Variants in FRMPD4 observed in about 807,000 individuals in gnomAD.
FRMPD4 encodes the protein FERM and PDZ domain containing 4, also known as FERM and PDZ domain-containing protein 4.
In FRMPD4, 22 loss-of-function variants were observed where a neutral mutation model predicts 94.1. That is an observed-to-expected ratio of 0.23 (90% CI 0.17 to 0.33). FRMPD4 has a LOEUF of 0.33. Ranked by LOEUF, FRMPD4 falls within the 10% of genes least tolerant of loss-of-function variation. The probability of loss-of-function intolerance (pLI) is 1.00; values close to 1 mark genes in which losing one functional copy is unlikely to be tolerated. For synonymous variants in FRMPD4, 631 were observed against 548.6 expected (o/e 1.15, Z -2.10); for missense variants, 1,111 against 1,339.9 (o/e 0.83, Z 2.67).
intron 3 of FRMPD4, among the ~76,000 whole-genome samples, chrX:11,950,765 TA>T (rs2054217793): frequency 9.0e-6 from 1 of 111,310 alleles, no homozygotes; most frequent in Non-Finnish European, 1.9e-5. Context: ...TGGTTATTAT[TA>T]AAAAGTCAAG....
chrX:12,054,417 T>C (rs2054841931), intron 3 of FRMPD4, among the ~76,000 whole-genome samples: 1 of 111,328 alleles, frequency 9.0e-6, no homozygotes, highest in East Asian at 2.8e-4. Context: ...TCTTCAGTGT[T>C]ATGACTGGTG....
At chrX:12,284,876 A>G (rs986981667) in intron 1 of FRMPD4, among the ~76,000 whole-genome samples, 1 of 111,888 alleles carries the variant, frequency 8.9e-6, no homozygotes, top group African/African-American at 3.3e-5. Context: ...ACATTTCTCT[A>G]TGCCTCAGTT....
At chrX:12,561,770 G>C (rs1429306295) in intron 2 of FRMPD4, among the ~76,000 whole-genome samples, 1 of 112,115 alleles carries the variant, frequency 8.9e-6, no homozygotes, top group Non-Finnish European at 1.9e-5. Context: ...TATTAGTTAG[G>C]AGTCTCCTGG....
At chrX:12,471,286 C>A (rs975011609) in intron 1 of FRMPD4, among the ~76,000 whole-genome samples, 9 of 111,957 alleles carry the variant, frequency 8.0e-5, no homozygotes, top group African/African-American at 2.9e-4. Context: ...CATTCCACTC[C>A]AAGGAAAGAG....
intron 2 of FRMPD4, among the ~76,000 whole-genome samples, chrX:12,505,209 T>C (rs1193253552): frequency 2.7e-5 from 3 of 111,793 alleles, no homozygotes; most frequent in African/African-American, 6.5e-5. Context: ...CTTGATTTTT[T>C]TGAGTGGCCT....
At chrX:12,639,929 G>A (rs2059478780) in intron 4 of FRMPD4, among the ~76,000 whole-genome samples, 1 of 111,402 alleles carries the variant, frequency 9.0e-6, no homozygotes, top group Non-Finnish European at 1.9e-5. Context: ...AAACCATAAC[G>A]CAATATTTTC....
intron 1 of FRMPD4, among the ~76,000 whole-genome samples, chrX:12,190,944 C>T (rs2056484293): frequency 9.0e-6 from 1 of 111,643 alleles, no homozygotes; most frequent in Non-Finnish European, 1.9e-5. Context: ...CTGCAAAAGA[C>T]ACTGTTCAGA....
At chrX:12,494,796 G>A (rs1007181917) in intron 1 of FRMPD4, among the ~76,000 whole-genome samples, 2 of 112,034 alleles carry the variant, frequency 1.8e-5, no homozygotes, top group African/African-American at 6.5e-5. Flanking sequence ...TTTTTGTCCA[G>A]GAAGGTTTCA....
chrX:12,458,609 G>A (rs1231386464), intron 1 of FRMPD4, among the ~76,000 whole-genome samples: 1 of 111,781 alleles, frequency 8.9e-6, no homozygotes, highest in African/African-American at 3.3e-5. Flanking sequence ...CCTTTCCACA[G>A]CATGGTGATC....
chrX:12,124,285 A>C (rs1230859876), intron 3 of FRMPD4, among the ~76,000 whole-genome samples: 1 of 112,265 alleles, frequency 8.9e-6, no homozygotes, highest in Non-Finnish European at 1.9e-5. Flanking sequence ...ATAAAAGTTG[A>C]AAATATGTAC....
In FRMPD4 at chrX:11,858,928, A is replaced by G. The variant is rs768172260; in HGVS notation, c.-160-6158A>G. ...CTTCCTCTTCTCCTGACTAAGGTAA[A>G]TTTAATAAGAAGATGTGTTTATAAT... On this transcript the variant is annotated intron_variant, in intron 1 of 18. Transcript: ENST00000640291. Among the ~76,000 whole-genome samples the G allele has an allele frequency of 6.3e-5, 7 of 111,877 alleles. No individual in the cohort carries two copies. In the East Asian group the frequency reaches 1.7e-3, roughly 27 times the overall value.
intron 1 of FRMPD4, among the ~76,000 whole-genome samples, chrX:12,212,317 G>A (rs1360070529): frequency 2.7e-5 from 3 of 110,766 alleles, no homozygotes; most frequent in African/African-American, 9.9e-5. Flanking sequence ...AAAATCATTC[G>A]ATTTTTTTTT....
At chrX:11,869,920 C>G (rs1338950935) in intron 2 of FRMPD4, among the ~76,000 whole-genome samples, 1 of 111,469 alleles carries the variant, frequency 9.0e-6, no homozygotes. Flanking sequence ...TTGGATATTT[C>G]TTTCCATATG....
intron 3 of FRMPD4, among the ~76,000 whole-genome samples, chrX:12,106,321 C>T (rs2055297280): frequency 9.0e-6 from 1 of 111,643 alleles, no homozygotes; most frequent in Non-Finnish European, 1.9e-5. Flanking sequence ...CATAATTGTC[C>T]TTCTAACTGC....
rs200625685 is a variant in FRMPD4, at chrX:12,312,239, C to CTTT, written c.41+173255_41+173257dup. On this transcript the variant is annotated intron_variant, in intron 1 of 16. Transcript: ENST00000675598. The stretch of plus-strand genomic sequence containing the variant: ...CTTCCTTTTCAACTCTGCTCCATTA[C>CTTT]TTTTTTTTTTTTTTTTTTTTTTTTT... Among the ~76,000 whole-genome samples, 22 of 61,511 alleles carry CTTT rather than the reference C, an allele frequency of 3.6e-4. 5 individuals carry two copies. The highest frequency in any genetic ancestry group is 3.9e-4 in the Non-Finnish European group (13 of 33,367). 53.4% of individuals were successfully genotyped at this position (61,511 alleles called of 115,157 possible).
chrX:12,333,805 C>T (rs1012043605), intron 1 of FRMPD4, among the ~76,000 whole-genome samples: 4 of 111,871 alleles, frequency 3.6e-5, no homozygotes, highest in East Asian at 2.8e-4. Context: ...AAAGCATACA[C>T]GCTCCTGGCT....
intron 3 of FRMPD4, among the ~76,000 whole-genome samples, chrX:12,030,633 T>C (rs758179131): frequency 6.9e-4 from 77 of 112,010 alleles, no homozygotes; most frequent in Non-Finnish European, 1.1e-3. Flanking sequence ...ACCTGAACCA[T>C]GCTAAGACAA....
At position 12,355,573 on chromosome X, in the gene FRMPD4, T is replaced by C. The variant is rs183276290; in HGVS notation, c.42-143107T>C. On this transcript the variant is annotated intron_variant, in intron 1 of 16. Coordinates refer to ENST00000675598, the MANE Select transcript of FRMPD4 (RefSeq NM_001368397.1). ...TAATGAAAGTGTAGTAAATGACAAA[T>C]GTTATTATATTAGGTGCCTGAGGAA... Among the ~76,000 whole-genome samples, 46 of 112,007 alleles carry C rather than the reference T, an allele frequency of 4.1e-4. No individual in the cohort carries two copies. The East Asian group carries it at 0.011, about 26-fold the overall frequency.
chrX:12,611,362 T>C (rs2059181527), intron 3 of FRMPD4, among the ~76,000 whole-genome samples: 1 of 112,140 alleles, frequency 8.9e-6, no homozygotes. Context: ...GGCATCAGAC[T>C]GCCTGAATCT....
Sources: allele counts gnomAD v4.1 joint callset (sites outside exome capture counted in the v4.1 genomes callset), GRCh38; gene constraint gnomAD v4.1.1; transcripts MANE v1.5; gene names NCBI Gene and HGNC (gene_info 2026-07-23, HGNC 2026-07-21).